The following AAMDC variants were observed in gnomAD, a reference collection of about 807,000 sequenced individuals.
AAMDC encodes the protein adipogenesis associated Mth938 domain containing.
AAMDC carries 16 observed loss-of-function variants against 15.5 expected under a neutral mutation model. The ratio of observed to expected loss-of-function variants is 1.03; its 90% CI spans 0.70 to 1.57. The LOEUF is 1.57. Ranked by LOEUF, AAMDC falls within the 40% of genes most tolerant of loss-of-function variation. The pLI is 0.00. For synonymous variants in AAMDC, 51 were observed against 51.6 expected (o/e 0.99, Z 0.05); for missense variants, 141 against 144.9 (o/e 0.97, Z 0.14).
intron 5 of AAMDC, among the ~76,000 whole-genome samples, chr11:77,880,044 C>A (rs994740447): frequency 1.3e-5 from 2 of 152,134 alleles, no homozygotes; most frequent in African/African-American, 2.4e-5. Context: ...CTATTAACCA[C>A]AAGCTTCTAT....
chr11:77,836,896 C>T (rs1370868713), intron 1 of AAMDC, among the ~76,000 whole-genome samples: 2 of 152,014 alleles, frequency 1.3e-5, no homozygotes, highest in African/African-American at 4.8e-5. Flanking sequence ...ACCCGGGAGG[C>T]GGAGGTTGCG....
At chr11:77,891,627 A>G (rs670090) in intron 5 of AAMDC, 345,064 of 1,584,640 alleles carry the variant, frequency 0.22, 38,576 homozygotes, top group Middle Eastern at 0.23. Flanking sequence ...ACCAAGGTAA[A>G]GATTTTTGAC....
chr11:77,864,636 T>C (rs531410103), intron 2 of AAMDC, among the ~76,000 whole-genome samples: 6 of 152,280 alleles, frequency 3.9e-5, no homozygotes, highest in African/African-American at 1.2e-4. Context: ...GAATAGTAGA[T>C]ACTTGTCTCC....
At chr11:77,829,547 G>A (rs1949326456) in intron 1 of AAMDC, 1 of 152,182 alleles carries the variant, frequency 6.6e-6, no homozygotes, top group South Asian at 2.1e-4. Context: ...GAGAAAACTG[G>A]AGATCCACAT....
chr11:77,821,156 C>T lies in AAMDC; in HGVS notation c.-104C>T. 2.6e-6 allele frequency: 1 copy of T among 390,382 alleles called. No homozygotes were observed. Among genetic ancestry groups the T allele is most frequent in the Non-Finnish European group, 4.6e-6 (1 of 219,062 alleles). The allele number at this position is 390,382 out of a possible 1,614,324, so 24.2% of individuals were successfully genotyped here. On this transcript the variant is annotated 5_prime_UTR_variant, in exon 1 of 4. Transcript: ENST00000393427. ...ATTCCCGGAGGGCAGTTGGGGAGCG[C>T]AGATCCCGAAGCAGCGCTGGGAGCG...
intron 2 of AAMDC, among the ~76,000 whole-genome samples, chr11:77,863,370 G>A (rs1053361796): frequency 1.3e-5 from 2 of 152,136 alleles, no homozygotes; most frequent in Non-Finnish European, 2.9e-5. Flanking sequence ...GACGGTGAGC[G>A]AAAACTCAGC....
intron 2 of AAMDC, among the ~76,000 whole-genome samples, chr11:77,857,746 G>A (rs1425463592): frequency 6.6e-6 from 1 of 151,216 alleles, no homozygotes; most frequent in African/African-American, 2.4e-5. Context: ...ACCCAGGCTG[G>A]AGGGCATTGG....
intron 5 of AAMDC, among the ~76,000 whole-genome samples, chr11:77,882,928 C>G (rs964884564): frequency 1.3e-5 from 2 of 152,012 alleles, no homozygotes; most frequent in African/African-American, 4.8e-5. Flanking sequence ...AAAAATTAGC[C>G]AGGTGTAGTG....
intron 1 of AAMDC, among the ~76,000 whole-genome samples, chr11:77,825,090 A>G (rs758929213): frequency 4.6e-5 from 7 of 151,876 alleles, no homozygotes. Context: ...ACGCCATTCT[A>G]TTGCCTCAGC....
At chr11:77,884,959 T>C (rs1951940283) in intron 5 of AAMDC, 1 of 208,580 alleles carries the variant, frequency 4.8e-6, no homozygotes, top group African/African-American at 2.3e-5. Flanking sequence ...AAGATCTTGC[T>C]ATGTTGCCCA....
At chr11:77,878,831 T>G (rs1236825906) in intron 5 of AAMDC, 4 of 803,034 alleles carry the variant, frequency 5.0e-6, no homozygotes, top group African/African-American at 1.7e-5. Context: ...GATGAGACTG[T>G]AAGGGTCACA....
intron 2 of AAMDC, among the ~76,000 whole-genome samples, chr11:77,868,483 C>T (rs375407954): frequency 4.6e-5 from 7 of 151,596 alleles, no homozygotes; most frequent in East Asian, 3.9e-4. Context: ...CTCAGCCTCC[C>T]GAATAGCTGG....
chr11:77,892,215 G>C (rs4245454), intron 5 of AAMDC, among the ~76,000 whole-genome samples: 19,390 of 152,240 alleles, frequency 0.13, 1,396 homozygotes, highest in Admixed American at 0.19. Context: ...TGGAAACACA[G>C]TGAACGGAAG....
At chr11:77,840,146 G>A (rs1949868609) in intron 1 of AAMDC, among the ~76,000 whole-genome samples, 1 of 151,914 alleles carries the variant, frequency 6.6e-6, no homozygotes, top group African/African-American at 2.4e-5. Flanking sequence ...AATGATTAAT[G>A]CACAATATAC....
chr11:77,855,127 G>A (rs1950558767), intron 2 of AAMDC, among the ~76,000 whole-genome samples: 2 of 152,148 alleles, frequency 1.3e-5, no homozygotes, highest in South Asian at 2.1e-4. Context: ...GAGCAGTGAG[G>A]CCTTGTACCT....
intron 2 of AAMDC, chr11:77,868,753 G>T: frequency 4.3e-6 from 1 of 234,418 alleles, no homozygotes; most frequent in East Asian, 1.1e-4. Flanking sequence ...CAGCAACTCA[G>T]GCTCCTTCCC....
chr11:77,856,277 C>T lies in AAMDC; in HGVS notation c.133-13445C>T, dbSNP rs528626185. ...TAGTTGCCAATAAGTTCCTCATCTC[C>T]GAGACCTTCTCAGCCTGGACTTCAC... On this transcript the variant is annotated intron_variant, in intron 2 of 3. Coordinates refer to ENST00000393427, the MANE Select transcript of AAMDC (RefSeq NM_024684.4). Among the ~76,000 whole-genome samples, 30 of 152,274 alleles carry T rather than the reference C, an allele frequency of 2.0e-4. No homozygotes were observed. In the East Asian group the frequency reaches 4.8e-3, roughly 25 times the overall value.
chr11:77,868,965 T>TACA (rs777034301), intron 2 of AAMDC: 20 of 279,650 alleles, frequency 7.2e-5, no homozygotes, highest in Admixed American at 1.6e-4. Flanking sequence ...CTTATTTGTT[T>TACA]ACAACAATGC....
chr11:77,900,921 A>G (rs1952759366), downstream of AAMDC: 1 of 403,274 alleles, frequency 2.5e-6, no homozygotes, highest in African/African-American at 2.1e-5. Context: ...TGCTGTCTTC[A>G]TTTTCATTTT....
Sources: gnomAD v4.1 joint callset for allele counts (sites outside exome capture counted in the v4.1 genomes callset) on GRCh38, gnomAD v4.1.1 for gene constraint, MANE v1.5 for transcripts, NCBI Gene and HGNC (gene_info 2026-07-23, HGNC 2026-07-21) for gene names.